The following HLCS variants were observed in gnomAD, a reference collection of about 807,000 sequenced individuals.
HLCS encodes biotin--protein ligase.
In HLCS, 53 loss-of-function variants were observed where a neutral mutation model predicts 75.0. The ratio of observed to expected loss-of-function variants is 0.71; its 90% CI spans 0.57 to 0.89. HLCS has a LOEUF of 0.89. Among genes scored for constraint, HLCS ranks in the 40% least tolerant of loss-of-function variants. The pLI is 0.00. For synonymous variants in HLCS, 431 were observed against 428.6 expected, an observed-to-expected ratio of 1.01 and a Z score of -0.07; for missense variants, 966 against 1,074.0, an observed-to-expected ratio of 0.90 and a Z score of 1.41.
At chr21:36,894,939 A>G (rs766509418) in intron 6 of HLCS, among the ~76,000 whole-genome samples, 1 of 152,046 alleles carries the variant, frequency 6.6e-6, no homozygotes, top group Non-Finnish European at 1.5e-5. Flanking sequence ...TTTTCACCCA[A>G]AAACACAGGC....
chr21:36,909,386 T>C (rs987178605), intron 5 of HLCS, among the ~76,000 whole-genome samples: 7 of 152,176 alleles, frequency 4.6e-5, no homozygotes, highest in African/African-American at 1.7e-4. Context: ...CTATGCAACA[T>C]TAAACAATAC....
At position 36,938,975 on chromosome 21, in the gene HLCS, C is replaced by T. The variant is rs779061944; in HGVS notation, c.350G>A (p.Cys117Tyr). 6.2e-7 allele frequency: 1 copy of T among 1,609,082 alleles called. No homozygotes were observed. The highest frequency in any genetic ancestry group is 8.5e-7 in the Non-Finnish European group (1 of 1,179,706). ...AGGTCTGCAAGCTAATGGCAAACAA[C>T]AGTCTGACCACTTGACAATCTGAGA... ...SSETIVKWSD[C>Y]CLPLACRPGD... Residue 117 changes from cysteine to tyrosine, a missense_variant, in exon 3 of 11, where the codon TGT becomes TAT. Cys to Tyr is a radical substitution (Grantham distance 194, BLOSUM62 -2). Coordinates refer to ENST00000674895, the MANE Select transcript of HLCS (RefSeq NM_001352514.2).
At chr21:36,873,944 A>G (rs2063860026) in intron 6 of HLCS, among the ~76,000 whole-genome samples, 1 of 152,152 alleles carries the variant, frequency 6.6e-6, no homozygotes, top group African/African-American at 2.4e-5. Flanking sequence ...TTTTATAGTT[A>G]TTGCTTTCTG....
intron 6 of HLCS, among the ~76,000 whole-genome samples, chr21:36,829,317 CA>C (rs1266468491): frequency 1.3e-5 from 2 of 152,166 alleles, no homozygotes; most frequent in East Asian, 3.8e-4. Context: ...CCACCTCTGT[CA>C]CCCTTTACCT....
chr21:36,887,999 C>G (rs116775228), intron 6 of HLCS, among the ~76,000 whole-genome samples: 1 of 152,172 alleles, frequency 6.6e-6, no homozygotes, highest in South Asian at 2.1e-4. Context: ...TAGGACAACA[C>G]TGTCAAGCTC....
chr21:36,797,698 A>T (rs1184899123), intron 6 of HLCS, among the ~76,000 whole-genome samples: 3 of 152,264 alleles, frequency 2.0e-5, no homozygotes, highest in Non-Finnish European at 2.9e-5. Context: ...TCAGCAGAAG[A>T]AAAATTGAGA....
chr21:36,783,811 A>G (rs906773107), intron 6 of HLCS, among the ~76,000 whole-genome samples: 5 of 146,294 alleles, frequency 3.4e-5, no homozygotes, highest in Admixed American at 2.7e-4. Context: ...ATGCACACAC[A>G]CACATGCACA....
intron 6 of HLCS, among the ~76,000 whole-genome samples, chr21:36,774,780 T>G (rs1307222831): frequency 1.3e-5 from 2 of 152,284 alleles, no homozygotes; most frequent in East Asian, 3.9e-4. Context: ...AGTTCTAGGG[T>G]CTCTGAACCT....
At chr21:36,972,703 A>G (rs13049125) in intron 1 of HLCS, among the ~76,000 whole-genome samples, 31,466 of 152,170 alleles carry the variant, frequency 0.21, 3,514 homozygotes, top group East Asian at 0.34. Context: ...GGTCTTATAT[A>G]TACTTGAAGT....
At chr21:36,934,083 C>A (rs1025624287) in intron 4 of HLCS, among the ~76,000 whole-genome samples, 1 of 152,100 alleles carries the variant, frequency 6.6e-6, no homozygotes, top group Non-Finnish European at 1.5e-5. Flanking sequence ...AATGGCACAC[C>A]GGAGTGTGTG....
At chr21:36,779,297 C>CTCCT (rs553877182) in intron 6 of HLCS, among the ~76,000 whole-genome samples, 4 of 151,752 alleles carry the variant, frequency 2.6e-5, no homozygotes, top group Non-Finnish European at 5.9e-5. Flanking sequence ...CCATCCCTCC[C>CTCCT]TCCTTCCTTC....
At chr21:36,778,249 G>C (rs907569155) in intron 6 of HLCS, among the ~76,000 whole-genome samples, 1 of 152,020 alleles carries the variant, frequency 6.6e-6, no homozygotes, top group Non-Finnish European at 1.5e-5. Context: ...GATTACAGGC[G>C]TGAGCCACTG....
chr21:36,847,231 T>C (rs60157071), intron 6 of HLCS, among the ~76,000 whole-genome samples: 1,680 of 152,272 alleles, frequency 0.011, 16 homozygotes, highest in South Asian at 0.068. Flanking sequence ...ATTTTTGACA[T>C]TGAAATAAAG....
At chr21:36,874,915 T>G (rs2063909733) in intron 6 of HLCS, among the ~76,000 whole-genome samples, 1 of 152,116 alleles carries the variant, frequency 6.6e-6, no homozygotes, top group Non-Finnish European at 1.5e-5. Flanking sequence ...AAGTGCCTAC[T>G]CGCACTCCCT....
intron 1 of HLCS, among the ~76,000 whole-genome samples, chr21:36,978,791 A>G (rs909965866): frequency 2.0e-5 from 3 of 152,204 alleles, no homozygotes; most frequent in Non-Finnish European, 4.4e-5. Context: ...ACTGTTCAAC[A>G]GCGGACTCAG....
chr21:36,857,934 C>T (rs118014147), intron 6 of HLCS, among the ~76,000 whole-genome samples: 2,114 of 151,982 alleles, frequency 0.014, 15 homozygotes, highest in Non-Finnish European at 0.021. Context: ...GGACTACAGA[C>T]GTGAGGCACC....
chr21:36,796,868 CT>C (rs35181716), intron 6 of HLCS, among the ~76,000 whole-genome samples: 41,231 of 146,168 alleles, frequency 0.28, 5,863 homozygotes, highest in South Asian at 0.33. Context: ...TTATCATGAT[CT>C]TTTTTTTTTT....
At chr21:36,867,426 A>G (rs534932822) in intron 6 of HLCS, among the ~76,000 whole-genome samples, 15 of 152,144 alleles carry the variant, frequency 9.9e-5, no homozygotes, top group Non-Finnish European at 1.9e-4. Flanking sequence ...ATCCAACCAA[A>G]TCTACTTTCC....
At chr21:36,758,023 A>G (rs533639188) in intron 9 of HLCS, among the ~76,000 whole-genome samples, 334 of 152,306 alleles carry the variant, frequency 2.2e-3, no homozygotes, top group Admixed American at 4.8e-3. Flanking sequence ...CAGAGACCCC[A>G]TCCTATGGCC....
Sources: gnomAD v4.1 joint callset for allele counts (sites outside exome capture counted in the v4.1 genomes callset) on GRCh38, gnomAD v4.1.1 for gene constraint, MANE v1.5 for transcripts, NCBI Gene and HGNC (gene_info 2026-07-23, HGNC 2026-07-21) for gene names.